The following ACSS3 variants were observed in gnomAD, a reference collection of about 807,000 sequenced individuals.
ACSS3 encodes the protein acyl-CoA synthetase short chain family member 3.
ACSS3 carries 64 observed loss-of-function variants against 84.2 expected under a neutral mutation model. The ratio of observed to expected loss-of-function variants is 0.76; its 90% CI spans 0.62 to 0.94. The LOEUF is 0.94. Ranked by LOEUF, ACSS3 falls within the 40% of genes least tolerant of loss-of-function variation. ACSS3 has a pLI of 0.00. For synonymous variants in ACSS3, 317 were observed against 310.1 expected (o/e 1.02, Z -0.23); for missense variants, 815 against 867.6 (o/e 0.94, Z 0.76).
intron 8 of ACSS3, among the ~76,000 whole-genome samples, chr12:81,186,894 A>G (rs1370051603): frequency 6.6e-6 from 1 of 151,908 alleles, no homozygotes; most frequent in Non-Finnish European, 1.5e-5. Context: ...CACCTCATGA[A>G]CATATTTGCA....
chr12:81,223,327 C>A (rs1237256520), intron 11 of ACSS3, among the ~76,000 whole-genome samples: 2 of 152,014 alleles, frequency 1.3e-5, no homozygotes, highest in African/African-American at 4.8e-5. Flanking sequence ...CTGACAATTT[C>A]TCATTCTTCA....
At chr12:81,081,344 C>G (rs1352684740) in intron 1 of ACSS3, among the ~76,000 whole-genome samples, 1 of 152,134 alleles carries the variant, frequency 6.6e-6, no homozygotes, top group Non-Finnish European at 1.5e-5. Flanking sequence ...CTTCAAAAAA[C>G]AAATCCAAAT....
chr12:81,192,306 G>T lies in ACSS3; in HGVS notation c.1251-7035G>T, dbSNP rs141721710. The stretch of plus-strand genomic sequence containing the variant: ...TGAGGCAGGAGAATGGCTTGAATCT[G>T]GGAGGCAAGGTTATAGTAAGCCGAG... On this transcript the variant is annotated intron_variant, in intron 8 of 15. Transcript: ENST00000548058. Among the ~76,000 whole-genome samples, 834 of 152,292 alleles carry T rather than the reference G, an allele frequency of 5.5e-3. 9 individuals carry two copies. Among genetic ancestry groups the T allele is most frequent in the African/African-American group, 0.016 (664 of 41,562 alleles).
intron 3 of ACSS3, among the ~76,000 whole-genome samples, chr12:81,135,538 T>A (rs548686748): frequency 6.6e-6 from 1 of 150,680 alleles, no homozygotes; most frequent in African/African-American, 2.4e-5. Flanking sequence ...TTGTAGCAAA[T>A]TGGATGGAAC....
rs1880746070 is a variant in ACSS3, at chr12:81,078,286, T to C, written c.166T>C (p.Ser56Pro). 1 of 1,611,558 alleles carries C rather than the reference T, an allele frequency of 6.2e-7. No individual in the cohort carries two copies. The highest frequency in any genetic ancestry group is 1.3e-5 in the African/African-American group (1 of 74,844). The change falls in exon 1 of 16, where the codon TCC becomes CCC. Residue 56 changes from serine (S) to proline (P), a missense_variant. Ser to Pro is a moderately conservative substitution (Grantham distance 74, BLOSUM62 -1). Transcript: ENST00000548058. ...GGGCCGGGGATGCAGGGCACTGTCCTCCGGCAGTGGCAGCGAGTACAAGAC... is the reference window on the plus strand; with the variant it reads ...GGGCCGGGGATGCAGGGCACTGTCCCCCGGCAGTGGCAGCGAGTACAAGAC... ...LGGRGCRALS[S>P]GSGSEYKTHF... is the part of the protein sequence containing the mutation.
intron 13 of ACSS3, among the ~76,000 whole-genome samples, chr12:81,241,481 A>G (rs540265597): frequency 6.6e-6 from 1 of 152,200 alleles, no homozygotes; most frequent in South Asian, 2.1e-4. Context: ...ATTTCTCCAC[A>G]TCCTCTCCAG....
chr12:81,210,297 G>T (rs1485137461), intron 9 of ACSS3, among the ~76,000 whole-genome samples: 2 of 151,998 alleles, frequency 1.3e-5, no homozygotes, highest in South Asian at 4.1e-4. Flanking sequence ...GCCTATTAGG[G>T]TCTCTCGTAT....
At chr12:81,144,561 G>A (rs992311260) in intron 5 of ACSS3, among the ~76,000 whole-genome samples, 5 of 151,028 alleles carry the variant, frequency 3.3e-5, no homozygotes, top group South Asian at 4.2e-4. Flanking sequence ...AATAAGAGGG[G>A]ACTCAGCAAA....
At position 81,258,432 on chromosome 12, in the gene ACSS3, T is replaced by C. The variant is rs1039969037; in HGVS notation, c.*3510T>C. On this transcript the variant is annotated 3_prime_UTR_variant, in exon 16 of 16. Coordinates refer to ENST00000548058, the MANE Select transcript of ACSS3 (RefSeq NM_024560.4). ...TACTAATGACAGGTCTTGCGCTTAA[T>C]AAGATCAAGCAGCAGAAAATCAGCA... 5 of 152,100 alleles carry C rather than the reference T, an allele frequency of 3.3e-5. No homozygotes were observed. The highest frequency in any genetic ancestry group is 1.2e-4 in the African/African-American group (5 of 41,438). The allele number at this position is 152,100 out of a possible 1,614,324, so 9.4% of individuals were successfully genotyped here.
At chr12:81,225,948 T>C (rs1055713459) in intron 11 of ACSS3, among the ~76,000 whole-genome samples, 1 of 151,918 alleles carries the variant, frequency 6.6e-6, no homozygotes, top group Non-Finnish European at 1.5e-5. Flanking sequence ...ACTGGCTACT[T>C]CCACTCAAAT....
chr12:81,147,450 G>C (rs950293309), intron 5 of ACSS3, among the ~76,000 whole-genome samples: 1 of 152,196 alleles, frequency 6.6e-6, no homozygotes, highest in Non-Finnish European at 1.5e-5. Flanking sequence ...TCCTCACTGT[G>C]CTCAAAGTGG....
At chr12:81,118,294 A>G (rs1243178925) in intron 2 of ACSS3, among the ~76,000 whole-genome samples, 1 of 152,164 alleles carries the variant, frequency 6.6e-6, no homozygotes, top group Non-Finnish European at 1.5e-5. Context: ...TCTAAAGATT[A>G]TGAGGTTTAG....
chr12:81,080,171 G>A (rs1195675664), intron 1 of ACSS3, among the ~76,000 whole-genome samples: 2 of 152,110 alleles, frequency 1.3e-5, no homozygotes, highest in Non-Finnish European at 2.9e-5. Context: ...CAGACCTAAG[G>A]CAGTGGCAAT....
At chr12:81,119,040 C>T (rs766964875) in intron 2 of ACSS3, among the ~76,000 whole-genome samples, 4 of 151,990 alleles carry the variant, frequency 2.6e-5, no homozygotes, top group Admixed American at 6.6e-5. Context: ...AAGTGTCGGC[C>T]GATCTGAGAA....
In ACSS3 at chr12:81,109,802, T is replaced by C. The variant is rs188771595; in HGVS notation, c.456+98T>C. The C allele has an allele frequency of 3.0e-5, 29 of 977,330 alleles. No homozygotes were observed. In the Admixed American group the frequency reaches 4.9e-4, roughly 16 times the overall value. The allele number at this position is 977,330 out of a possible 1,614,324, so 60.5% of individuals were successfully genotyped here. A position where few individuals can be genotyped will look rare whatever the true frequency, so the allele number is the denominator to read the frequency against. ...GTAGAGCCTTCAATTCTCTAATGCA[T>C]TGAAATATGTTGCCATGCTTTTCTT... On this transcript the variant is annotated intron_variant, in intron 2 of 15. Coordinates refer to ENST00000548058, the MANE Select transcript of ACSS3 (RefSeq NM_024560.4).
At chr12:81,184,595 A>G (rs1297094824) in intron 8 of ACSS3, among the ~76,000 whole-genome samples, 1 of 151,804 alleles carries the variant, frequency 6.6e-6, no homozygotes, top group Non-Finnish European at 1.5e-5. Flanking sequence ...AAGAAATTCT[A>G]ACAGGCTTCT....
chr12:81,086,449 G>T lies in ACSS3; in HGVS notation c.311+8018G>T, dbSNP rs149108879. Among the ~76,000 whole-genome samples the T allele has an allele frequency of 5.2e-3, 785 of 152,264 alleles. 4 individuals are homozygous for T. The highest frequency in any genetic ancestry group is 0.014 in the African/African-American group (570 of 41,544). ...TACTGTGCCGTATCTAATTTTCTCA[G>T]CCTGTCATGCTGCTGAACCTTCAGG... On this transcript the variant is annotated intron_variant, in intron 1 of 15. Transcript: ENST00000548058.
chr12:81,107,383 A>T (rs1883101940), intron 1 of ACSS3, among the ~76,000 whole-genome samples: 2 of 151,346 alleles, frequency 1.3e-5, no homozygotes, highest in Non-Finnish European at 3.0e-5. Context: ...TTGAATATTG[A>T]TCACAAAGAA....
chr12:81,253,258 A>G, intron 13 of ACSS3, 49 bp from the exon 14 acceptor site: 1 of 1,523,698 alleles, frequency 6.6e-7, no homozygotes, highest in African/African-American at 1.4e-5. Context: ...TTGAATATAC[A>G]TATATGGTAA....
Sources: gnomAD v4.1 joint callset for allele counts (sites outside exome capture counted in the v4.1 genomes callset) on GRCh38, gnomAD v4.1.1 for gene constraint, MANE v1.5 for transcripts, NCBI Gene and HGNC (gene_info 2026-07-23, HGNC 2026-07-21) for gene names.